Variants in NRXN3 observed in about 807,000 individuals in gnomAD.
The protein encoded by NRXN3 is neurexin 3.
A neutral mutation model predicts 137.6 loss-of-function variants in NRXN3; 32 were observed. The observed-to-expected ratio is 0.23, with a 90% CI of 0.18 to 0.31. NRXN3 has a LOEUF of 0.31. Ranked by LOEUF, NRXN3 falls within the 10% of genes least tolerant of loss-of-function variation. The probability of loss-of-function intolerance (pLI) is 1.00; values close to 1 mark genes in which losing one functional copy is unlikely to be tolerated. For synonymous variants in NRXN3, 798 were observed against 784.5 expected, an observed-to-expected ratio of 1.02 and a Z score of -0.29; for missense variants, 1,574 against 2,062.5, an observed-to-expected ratio of 0.76 and a Z score of 4.59.
chr14:79,637,729 C>T lies in NRXN3; in HGVS notation c.3445-26049C>T, dbSNP rs149282196. On this transcript the variant is annotated intron_variant, in intron 16 of 20. Transcript: ENST00000335750. Reference sequence around the variant, plus strand: ...AACTGATGTAAGATATAGAAAAGTTCTTTTTTTTTTTTTTTTTTGAGATGG... The same window carrying T: ...AACTGATGTAAGATATAGAAAAGTTTTTTTTTTTTTTTTTTTTTGAGATGG... 3.4e-3 allele frequency among the ~76,000 whole-genome samples: 328 copies of T among 95,488 alleles called. 1 individual carries two copies. Among genetic ancestry groups the T allele is most frequent in the Middle Eastern group, 8.6e-3 (1 of 116 alleles). 62.6% of individuals were successfully genotyped at this position (95,488 alleles called of 152,430 possible). A position where few individuals can be genotyped will look rare whatever the true frequency, so the allele number is the denominator to read the frequency against.
intron 20 of NRXN3, among the ~76,000 whole-genome samples, chr14:79,825,316 T>C (rs941593312): frequency 1.3e-5 from 2 of 151,972 alleles, no homozygotes; most frequent in African/African-American, 2.4e-5. Flanking sequence ...GATAAATGTG[T>C]GTTCACCCTA....
intron 19 of NRXN3, among the ~76,000 whole-genome samples, chr14:79,750,116 A>G (rs965550385): frequency 1.3e-5 from 2 of 152,114 alleles, no homozygotes; most frequent in Non-Finnish European, 2.9e-5. Flanking sequence ...TGGTAGGGGA[A>G]GGGCAGCAGA....
At chr14:78,809,657 C>T (rs1416056786) in intron 9 of NRXN3, among the ~76,000 whole-genome samples, 1 of 152,140 alleles carries the variant, frequency 6.6e-6, no homozygotes, top group Non-Finnish European at 1.5e-5. Context: ...CTTTCCTTAC[C>T]ACTAAGGAAG....
At chr14:78,977,541 A>G (rs1314884365) in intron 14 of NRXN3, among the ~76,000 whole-genome samples, 9 of 152,106 alleles carry the variant, frequency 5.9e-5, no homozygotes, top group Non-Finnish European at 8.8e-5. Context: ...TATCACTTTG[A>G]AAAGAGTTAT....
At chr14:79,455,237 C>CACATGGTGAAACCTT (rs1555458384) in intron 15 of NRXN3, among the ~76,000 whole-genome samples, 1 of 152,152 alleles carries the variant, frequency 6.6e-6, no homozygotes, top group Admixed American at 6.5e-5. Context: ...TCTATAACCT[C>CACATGGTGAAACCTT]ACATGGTGAA....
intron 15 of NRXN3, among the ~76,000 whole-genome samples, chr14:79,434,812 G>A (rs1274574033): frequency 4.6e-5 from 7 of 152,184 alleles, no homozygotes. Context: ...CAGTCCCACG[G>A]TGAGCTCTGA....
At chr14:79,447,457 C>CT (rs559769057) in intron 15 of NRXN3, among the ~76,000 whole-genome samples, 113 of 152,218 alleles carry the variant, frequency 7.4e-4, no homozygotes, top group African/African-American at 2.6e-3. Flanking sequence ...CAAAAATGAC[C>CT]TTTTATTAGT....
intron 4 of NRXN3, among the ~76,000 whole-genome samples, chr14:78,545,045 T>C (rs1381506730): frequency 6.6e-6 from 1 of 152,244 alleles, no homozygotes; most frequent in Non-Finnish European, 1.5e-5. Context: ...GTTTCTTCTT[T>C]CATGATAGTT....
intron 15 of NRXN3, among the ~76,000 whole-genome samples, chr14:79,331,871 T>TGA (rs1172468600): frequency 6.9e-6 from 1 of 145,486 alleles, no homozygotes; most frequent in African/African-American, 2.5e-5. Context: ...TGTGTGTGTG[T>TGA]GAAAGTACTA....
chr14:79,081,020 G>A (rs1458421489), intron 15 of NRXN3, among the ~76,000 whole-genome samples: 1 of 152,038 alleles, frequency 6.6e-6, no homozygotes, highest in Non-Finnish European at 1.5e-5. Context: ...CATCCCCTAA[G>A]CAAAAGCATA....
At chr14:79,826,354 G>T (rs1220993535) in intron 20 of NRXN3, among the ~76,000 whole-genome samples, 2 of 152,066 alleles carry the variant, frequency 1.3e-5, no homozygotes, top group African/African-American at 4.8e-5. Flanking sequence ...AAAGTTGCAA[G>T]AATAGTATAT....
At chr14:79,593,457 T>C (rs1301060384) in intron 16 of NRXN3, among the ~76,000 whole-genome samples, 1 of 151,844 alleles carries the variant, frequency 6.6e-6, no homozygotes, top group African/African-American at 2.4e-5. Context: ...GGTGAAGCCC[T>C]GTCTCTACTA....
At chr14:78,565,465 G>T (rs2096828096) in intron 4 of NRXN3, among the ~76,000 whole-genome samples, 1 of 152,166 alleles carries the variant, frequency 6.6e-6, no homozygotes, top group South Asian at 2.1e-4. Flanking sequence ...GGGTGAAGGG[G>T]ATTAGAACAG....
intron 4 of NRXN3, among the ~76,000 whole-genome samples, chr14:78,428,261 AG>A (rs1317712459): frequency 6.6e-6 from 1 of 152,184 alleles, no homozygotes; most frequent in African/African-American, 2.4e-5. Flanking sequence ...CCCTTGTTAA[AG>A]GTCACATCAG....
intron 16 of NRXN3, among the ~76,000 whole-genome samples, chr14:79,486,098 T>C (rs1053643651): frequency 6.6e-6 from 1 of 152,176 alleles, no homozygotes; most frequent in African/African-American, 2.4e-5. Flanking sequence ...CATTTAATTT[T>C]ACAATGAAGA....
At chr14:79,703,204 C>A (rs1237834509) in intron 19 of NRXN3, among the ~76,000 whole-genome samples, 1 of 152,126 alleles carries the variant, frequency 6.6e-6, no homozygotes, top group Non-Finnish European at 1.5e-5. Context: ...ACCACTTTTG[C>A]AAATTCCAGA....
chr14:79,657,373 G>T (rs1174634503), intron 16 of NRXN3, among the ~76,000 whole-genome samples: 6 of 152,150 alleles, frequency 3.9e-5, no homozygotes, highest in African/African-American at 1.4e-4. Flanking sequence ...CTTCTCAAGG[G>T]GAGGGGACTG....
At chr14:78,879,875 A>C (rs908584637) in intron 10 of NRXN3, among the ~76,000 whole-genome samples, 1 of 152,118 alleles carries the variant, frequency 6.6e-6, no homozygotes, top group Non-Finnish European at 1.5e-5. Flanking sequence ...CTGCCCCCCA[A>C]ATTGATTTGC....
chr14:78,726,176 CTTTT>C (rs1262901803), intron 8 of NRXN3, among the ~76,000 whole-genome samples: 1 of 152,110 alleles, frequency 6.6e-6, no homozygotes, highest in African/African-American at 2.4e-5. Flanking sequence ...TTGAAACACT[CTTTT>C]TATTTTATTT....
Sources: allele counts gnomAD v4.1 joint callset (sites outside exome capture counted in the v4.1 genomes callset), GRCh38; gene constraint gnomAD v4.1.1; transcripts MANE v1.5; gene names NCBI Gene and HGNC (gene_info 2026-07-23, HGNC 2026-07-21).